The following NCOA6 variants were observed in gnomAD, a reference collection of about 807,000 sequenced individuals.
NCOA6 encodes nuclear receptor coactivator 6.
A neutral mutation model predicts 171.4 loss-of-function variants in NCOA6; 49 were observed. The ratio of observed to expected loss-of-function variants is 0.29; its 90% CI spans 0.23 to 0.36. NCOA6 has a LOEUF of 0.36. Among genes scored for constraint, NCOA6 ranks in the 10% least tolerant of loss-of-function variants. The pLI is 1.00. For synonymous variants in NCOA6, 910 were observed against 927.5 expected (o/e 0.98, Z 0.34); for missense variants, 2,248 against 2,554.5 (o/e 0.88, Z 2.59).
chr20:34,760,828 T>G (rs2076793909), intron 5 of NCOA6, among the ~76,000 whole-genome samples: 1 of 152,190 alleles, frequency 6.6e-6, no homozygotes, highest in African/African-American at 2.4e-5. Flanking sequence ...ATATTCACCT[T>G]TTAAAATTTG....
rs542221996 is a variant in NCOA6 at position 34,762,914 on chromosome 20, T to C, written c.515-3981A>G. ...TTAAAATTCTAGGCTGTCAATTATA[T>C]CCTCAGCACTTTGAAAAAATTATTC... On this transcript the variant is annotated intron_variant, in intron 5 of 14. Coordinates refer to ENST00000359003, the MANE Select transcript of NCOA6 (RefSeq NM_014071.5). 5.9e-5 allele frequency among the ~76,000 whole-genome samples: 9 copies of C among 152,308 alleles called. No homozygotes were observed. In the South Asian group the frequency reaches 1.4e-3, roughly 25 times the overall value.
chr20:34,746,785 A>G (rs1183797800), intron 10 of NCOA6, 22 bp downstream of exon 10: 1 of 1,598,332 alleles, frequency 6.3e-7, no homozygotes, highest in Non-Finnish European at 8.6e-7. Context: ...ATAAGTATAT[A>G]ATCTAGCTAA....
chr20:34,794,929 T>A (rs560061924), intron 1 of NCOA6, among the ~76,000 whole-genome samples: 1 of 150,704 alleles, frequency 6.6e-6, no homozygotes, highest in South Asian at 2.1e-4. Context: ...TGAAAAACTT[T>A]AAAAAAAAAC....
chr20:34,776,133 T>C (rs1424247653), intron 4 of NCOA6, among the ~76,000 whole-genome samples, 160 bp downstream of exon 4: 1 of 152,232 alleles, frequency 6.6e-6, no homozygotes, highest in Non-Finnish European at 1.5e-5. Flanking sequence ...TCAGTCCCTC[T>C]TCATCCTAAG....
Position 34,757,401 on chromosome 20 carries a change from A to C in NCOA6, c.1347T>G (p.Thr449=). 1 of 1,613,898 alleles carries C rather than the reference A, an allele frequency of 6.2e-7. No individual in the cohort carries two copies. Among genetic ancestry groups the C allele is most frequent in the Non-Finnish European group, 8.5e-7 (1 of 1,179,894 alleles). ...GTGGCCTTGGTCCCATCTGCTGCTG[A>C]GTTTGGTTAACCGTTGGGGAGGATG... is the stretch of plus-strand genomic sequence containing the variant. ...SPASSPTVNQ[T]QQQMGPRPPQ... The change falls in exon 7 of 15, where the codon ACT becomes ACG. Residue 449 remains threonine (T), a synonymous_variant. Coordinates refer to ENST00000359003, the MANE Select transcript of NCOA6 (RefSeq NM_014071.5).
At chr20:34,770,260 G>A (rs1005740327) in intron 4 of NCOA6, among the ~76,000 whole-genome samples, 7 of 152,034 alleles carry the variant, frequency 4.6e-5, no homozygotes, top group Non-Finnish European at 7.4e-5. Flanking sequence ...GGATGGTCTC[G>A]ATCTTTTGAC....
intron 4 of NCOA6, among the ~76,000 whole-genome samples, chr20:34,771,433 C>G (rs962990449): frequency 6.6e-6 from 1 of 152,166 alleles, no homozygotes; most frequent in African/African-American, 2.4e-5. Context: ...CTCAGCCCAG[C>G]CAATGTAAGA....
intron 1 of NCOA6, among the ~76,000 whole-genome samples, chr20:34,796,238 A>G (rs2078068753): frequency 6.6e-6 from 1 of 151,570 alleles, no homozygotes; most frequent in Non-Finnish European, 1.5e-5. Flanking sequence ...TCAAACTCCT[A>G]GGCTCAAGCA....
rs563782130 is a variant in NCOA6 at position 34,740,248 on chromosome 20, A to G, written c.5893+115T>C. The G allele has an allele frequency of 4.6e-6, 6 of 1,306,666 alleles. No individual in the cohort carries two copies. The African/African-American group carries it at 8.9e-5, about 19-fold the overall frequency. 80.9% of individuals were successfully genotyped at this position (1,306,666 alleles called of 1,614,324 possible). On this transcript the variant is annotated intron_variant, in intron 11 of 14. Coordinates refer to ENST00000359003, the MANE Select transcript of NCOA6 (RefSeq NM_014071.5). ...ACTTTCAATAAATAAAACTACTGCT[A>G]TTGCCATTTAGCCCATTCTCTTTCC...
intron 1 of NCOA6, among the ~76,000 whole-genome samples, chr20:34,806,544 C>T (rs2078457318): frequency 6.6e-6 from 1 of 152,164 alleles, no homozygotes; most frequent in Non-Finnish European, 1.5e-5. Flanking sequence ...TCAGGTCTTA[C>T]ATTTAAGTCT....
At chr20:34,810,578 C>A (rs374117431) in intron 1 of NCOA6, among the ~76,000 whole-genome samples, 5 of 149,936 alleles carry the variant, frequency 3.3e-5, no homozygotes, top group South Asian at 2.1e-4. Context: ...GTTTTTGAGA[C>A]GGAGTCTCGC....
intron 2 of NCOA6, among the ~76,000 whole-genome samples, chr20:34,789,790 CA>C (rs1435715736): frequency 6.6e-6 from 1 of 151,556 alleles, no homozygotes. Flanking sequence ...GACTCTGTCT[CA>C]AAAAAATTAA....
intron 13 of NCOA6, among the ~76,000 whole-genome samples, chr20:34,729,797 A>G (rs1292403354): frequency 6.6e-6 from 1 of 152,010 alleles, no homozygotes; most frequent in Non-Finnish European, 1.5e-5. Context: ...CTACCCTTCC[A>G]CTGTTCACTC....
Position 34,750,256 on chromosome 20 carries a change from G to A in NCOA6, c.1939C>T (p.Pro647Ser). Residue 647 changes from proline to serine, a missense_variant, in exon 9 of 15, where the codon CCT (proline) becomes TCT (serine). Physicochemically the swap from Pro to Ser is moderately conservative, Grantham distance 74 (BLOSUM62 -1). This residue lies in a region of NCOA6 where 987 missense variants were observed against 1,104.7 expected (regional missense o/e 0.89). Transcript: ENST00000359003. ...AGCTGGGCCCTTGAAAGGATCATAG[G>A]GTTCTGAGGGTTCAAGGTTCCTTGT... ...QQQGTLNPQN[P>S]MILSRAQLMP... 1 of 1,610,796 alleles carries A rather than the reference G, an allele frequency of 6.2e-7. No individual in the cohort carries two copies. The highest frequency in any genetic ancestry group is 1.3e-5 in the African/African-American group (1 of 74,880).
chr20:34,798,067 TG>T (rs2078139762), intron 1 of NCOA6, among the ~76,000 whole-genome samples: 1 of 152,302 alleles, frequency 6.6e-6, no homozygotes, highest in East Asian at 1.9e-4. Flanking sequence ...GGGCCTGCCC[TG>T]GGCCAGACAA....
chr20:34,804,181 A>G (rs1454758973), intron 1 of NCOA6, among the ~76,000 whole-genome samples: 4 of 152,090 alleles, frequency 2.6e-5, no homozygotes, highest in African/African-American at 4.8e-5. Flanking sequence ...TACTAAAAAT[A>G]CAAAAATTAG....
rs1206075216 is a variant in NCOA6 at position 34,742,720 on chromosome 20, G to A, written c.3536C>T (p.Ala1179Val). ...ATTTACAGGGGGTTGCTGGGGAGTT[G>A]CACCTTGAGTTGCTGAAAGGGGCGA... ...GPSPLSATQG[A>V]TPQQPPVNSL... The change falls in exon 11 of 15, where the codon GCA (alanine) becomes GTA (valine). Residue 1179 changes from alanine (A) to valine (V), a missense_variant. Ala to Val is a moderately conservative substitution (Grantham distance 64). Coordinates refer to ENST00000359003, the MANE Select transcript of NCOA6 (RefSeq NM_014071.5). 1.2e-6 allele frequency: 2 copies of A among 1,614,014 alleles called. No homozygotes were observed. The highest frequency in any genetic ancestry group is 2.2e-5 in the South Asian group (2 of 91,084).
chr20:34,815,867 C>T (rs1240906503), intron 1 of NCOA6, among the ~76,000 whole-genome samples: 1 of 152,164 alleles, frequency 6.6e-6, no homozygotes, highest in East Asian at 1.9e-4. Context: ...GTTTACTTAT[C>T]CATGATCACC....
At chr20:34,765,433 C>G (rs1401283486) in intron 5 of NCOA6, among the ~76,000 whole-genome samples, 1 of 128,626 alleles carries the variant, frequency 7.8e-6, no homozygotes, top group Non-Finnish European at 1.6e-5. Flanking sequence ...GAGCGAGAGT[C>G]CGTCTCAAAA....
Sources: gnomAD v4.1 joint callset for allele counts (sites outside exome capture counted in the v4.1 genomes callset) on GRCh38, gnomAD v4.1.1 for gene constraint, gnomAD v4.1.1 regional missense constraint, MANE v1.5 for transcripts, NCBI Gene and HGNC (gene_info 2026-07-23, HGNC 2026-07-21) for gene names.